Variants in CDK7 observed in about 807,000 individuals in gnomAD.
The protein encoded by CDK7 is cyclin dependent kinase 7.
Under a neutral mutation model 49.1 loss-of-function variants are expected in CDK7, and 25 were observed. That is an observed-to-expected ratio of 0.51 (90% CI 0.37 to 0.71). CDK7 has a LOEUF of 0.71. Among genes scored for constraint, CDK7 ranks in the 30% least tolerant of loss-of-function variants. The pLI, the probability that CDK7 is intolerant of heterozygous loss-of-function variation, is 0.00. For synonymous variants in CDK7, 107 were observed against 140.0 expected (o/e 0.76, Z 1.67); for missense variants, 316 against 411.7 (o/e 0.77, Z 2.01).
At chr5:69,240,611 T>G (rs980416429) in intron 2 of CDK7, among the ~76,000 whole-genome samples, 10 of 152,198 alleles carry the variant, frequency 6.6e-5, no homozygotes, top group African/African-American at 2.4e-4. Flanking sequence ...ATGTTAAGAA[T>G]TTTAAAATCA....
At chr5:69,247,706 G>T (rs1223335659) in intron 2 of CDK7, among the ~76,000 whole-genome samples, 1 of 151,388 alleles carries the variant, frequency 6.6e-6, no homozygotes, top group Non-Finnish European at 1.5e-5. Context: ...TTCTCTGGTG[G>T]TATGTTTTAA....
chr5:69,247,765 T>C (rs2172056), intron 2 of CDK7, among the ~76,000 whole-genome samples: 91,576 of 151,768 alleles, frequency 0.6, 28,179 homozygotes, highest in African/African-American at 0.72. Flanking sequence ...TTTTTAGATT[T>C]GAGGTTACAT....
intron 2 of CDK7, among the ~76,000 whole-genome samples, chr5:69,238,446 C>T (rs1401853861): frequency 1.3e-5 from 2 of 151,658 alleles, no homozygotes; most frequent in African/African-American, 4.8e-5. Context: ...CACCGTGCCC[C>T]ACTAAATTTG....
intron 2 of CDK7, among the ~76,000 whole-genome samples, chr5:69,243,172 C>T (rs1217649092): frequency 6.6e-6 from 1 of 152,206 alleles, no homozygotes; most frequent in Non-Finnish European, 1.5e-5. Context: ...TCCTGAGAAA[C>T]TGCAGATACA....
chr5:69,265,317 CA>C (rs931476714), intron 8 of CDK7, among the ~76,000 whole-genome samples: 6 of 140,410 alleles, frequency 4.3e-5, no homozygotes, highest in Non-Finnish European at 7.8e-5. Context: ...AGAAAACTTT[CA>C]AAAAAAAATT....
At chr5:69,275,155 ATGTAT>A (rs956867919) in intron 10 of CDK7, among the ~76,000 whole-genome samples, 5 of 152,258 alleles carry the variant, frequency 3.3e-5, no homozygotes, top group African/African-American at 1.2e-4. Context: ...AGTCAAGAAA[ATGTAT>A]TGTATCTACA....
intron 2 of CDK7, among the ~76,000 whole-genome samples, chr5:69,238,668 T>A (rs1033906178): frequency 2.2e-4 from 34 of 151,418 alleles, no homozygotes; most frequent in African/African-American, 5.3e-4. Context: ...ATTTTATTTT[T>A]TTTTTTGAGA....
intron 2 of CDK7, among the ~76,000 whole-genome samples, chr5:69,242,333 T>C (rs1749449024): frequency 6.6e-6 from 1 of 152,064 alleles, no homozygotes; most frequent in African/African-American, 2.4e-5. Flanking sequence ...TGGATAAAAT[T>C]GTAGAGAGTT....
chr5:69,256,514 C>A (rs1033289767), intron 5 of CDK7, among the ~76,000 whole-genome samples: 1 of 151,908 alleles, frequency 6.6e-6, no homozygotes, highest in Non-Finnish European at 1.5e-5. Context: ...TCACCATGCC[C>A]AGCTAAAATA....
chr5:69,241,366 G>A (rs1749373263), intron 2 of CDK7, among the ~76,000 whole-genome samples: 1 of 144,914 alleles, frequency 6.9e-6, no homozygotes, highest in South Asian at 2.2e-4. Flanking sequence ...TGTCACCCAG[G>A]CTGGAGTGCA....
intron 9 of CDK7, among the ~76,000 whole-genome samples, chr5:69,271,285 G>A (rs1751510247): frequency 6.6e-6 from 1 of 152,032 alleles, no homozygotes; most frequent in African/African-American, 2.4e-5. Context: ...CCCATTTTCT[G>A]ATTGGATTCT....
chr5:69,258,733 G>A (rs1311499657), intron 6 of CDK7, among the ~76,000 whole-genome samples: 1 of 151,978 alleles, frequency 6.6e-6, no homozygotes, highest in Admixed American at 6.6e-5. Context: ...CCTGACCATG[G>A]TTATATTTTT....
intron 5 of CDK7, among the ~76,000 whole-genome samples, chr5:69,257,513 G>T (rs777616377): frequency 2.8e-4 from 42 of 152,238 alleles, no homozygotes; most frequent in South Asian, 4.1e-4. Context: ...ATGCTTCTAG[G>T]TATATGTTTG....
At position 69,255,466 on chromosome 5, in the gene CDK7, G is replaced by A. The variant is rs1048822349; in HGVS notation, c.235G>A (p.Asp79Asn). 5.8e-6 allele frequency: 9 copies of A among 1,559,172 alleles called. No individual in the cohort carries two copies. Among genetic ancestry groups the A allele is most frequent in the Non-Finnish European group, 7.0e-6 (8 of 1,148,726 alleles). ...TAATTTTTTAACTTTGCAGCTCCTT[G>A]ATGCTTTTGGACATAAATCTAATAT... Reference protein sequence around the residue: ...LSHPNIIGLLDAFGHKSNISL... With the variant: ...LSHPNIIGLLNAFGHKSNISL... The change falls in exon 5 of 12, where the codon GAT becomes AAT. Residue 79 changes from aspartate (D) to asparagine (N), a missense_variant. Transcript: ENST00000256443.
intron 2 of CDK7, among the ~76,000 whole-genome samples, chr5:69,236,637 T>A (rs1348597940): frequency 3.5e-5 from 5 of 141,286 alleles, no homozygotes; most frequent in African/African-American, 1.3e-4. Flanking sequence ...ATAATTTTTT[T>A]ATTTTTTATT....
Position 69,269,296 on chromosome 5 carries a change from A to T in CDK7, c.714+3A>T, listed in dbSNP as rs377289278. ...CACCAACTGAGGAACAGTGGCCGGTAAGCCTTTATGCATTTTCTTTGAAAT... is the reference window on the plus strand; with the variant it reads ...CACCAACTGAGGAACAGTGGCCGGTTAGCCTTTATGCATTTTCTTTGAAAT... On this transcript the variant is annotated splice_donor_region_variant and intron_variant, in intron 9 of 11. Transcript: ENST00000256443. 5 of 1,600,204 alleles carry T rather than the reference A, an allele frequency of 3.1e-6. No individual in the cohort carries two copies. The African/African-American group carries it at 6.7e-5, about 22-fold the overall frequency.
At chr5:69,265,295 T>C (rs920062074) in intron 8 of CDK7, among the ~76,000 whole-genome samples, 1 of 149,628 alleles carries the variant, frequency 6.7e-6, no homozygotes, top group African/African-American at 2.5e-5. Context: ...AGTACAATTA[T>C]GAAAATTACA....
At chr5:69,247,376 A>G (rs901263580) in intron 2 of CDK7, among the ~76,000 whole-genome samples, 7 of 152,156 alleles carry the variant, frequency 4.6e-5, no homozygotes, top group African/African-American at 1.4e-4. Context: ...CTTGAAATCT[A>G]TTTTATTTAA....
chr5:69,261,486 T>TTGTGTGTG (rs1561365562), intron 7 of CDK7, among the ~76,000 whole-genome samples: 7 of 139,520 alleles, frequency 5.0e-5, no homozygotes, highest in Non-Finnish European at 1.1e-4. Context: ...ATTGAAAAGG[T>TTGTGTGTG]TCTCTGTGTG....
Sources: gnomAD v4.1 joint callset for allele counts (sites outside exome capture counted in the v4.1 genomes callset) on GRCh38, gnomAD v4.1.1 for gene constraint, MANE v1.5 for transcripts, NCBI Gene and HGNC (gene_info 2026-07-23, HGNC 2026-07-21) for gene names.